MEF2C: variants seen among roughly 807,000 people sequenced by gnomAD.
The protein encoded by MEF2C is myocyte enhancer factor 2C.
In MEF2C, 6 loss-of-function variants were observed where a neutral mutation model predicts 50.5. That is an observed-to-expected ratio of 0.12 (90% CI 0.07 to 0.23). MEF2C has a LOEUF of 0.23. Among genes scored for constraint, MEF2C ranks in the 10% least tolerant of loss-of-function variants. The pLI, the probability that MEF2C is intolerant of heterozygous loss-of-function variation, is 1.00. For synonymous variants in MEF2C, 183 were observed against 228.0 expected (o/e 0.80, Z 1.78); for missense variants, 276 against 605.0 (o/e 0.46, Z 5.70).
chr5:88,742,676 G>C (rs1767392638), intron 6 of MEF2C: 1 of 985,078 alleles, frequency 1.0e-6, no homozygotes, highest in Non-Finnish European at 1.2e-6. Context: ...AGGGGTCGAA[G>C]GCATATTTTA....
At chr5:88,727,938 C>T (rs1759636180) in intron 10 of MEF2C, among the ~76,000 whole-genome samples, 1 of 151,760 alleles carries the variant, frequency 6.6e-6, no homozygotes, top group Non-Finnish European at 1.5e-5. Context: ...CTACATAAAA[C>T]AAAAATTATT....
chr5:88,811,634 T>A (rs1359424367), intron 2 of MEF2C, among the ~76,000 whole-genome samples: 1 of 152,106 alleles, frequency 6.6e-6, no homozygotes, highest in Non-Finnish European at 1.5e-5. Context: ...CCATACATTA[T>A]CGCCTCTAAT....
At chr5:88,811,536 T>C (rs1011598057) in intron 2 of MEF2C, among the ~76,000 whole-genome samples, 4 of 152,172 alleles carry the variant, frequency 2.6e-5, no homozygotes, top group East Asian at 3.9e-4. Context: ...CTAAGTATCA[T>C]AGGGCTTTGA....
intron 3 of MEF2C, chr5:88,775,741 T>C: frequency 1.2e-6 from 1 of 829,982 alleles, no homozygotes. Flanking sequence ...CAGATGATAA[T>C]ATTCTTAGGT....
chr5:88,851,833 C>T (rs1581579223), intron 1 of MEF2C, among the ~76,000 whole-genome samples: 1 of 152,168 alleles, frequency 6.6e-6, no homozygotes, highest in Middle Eastern at 3.4e-3. Context: ...AATGTATTTT[C>T]AGCATCTCAA....
intron 6 of MEF2C, chr5:88,748,676 G>T: frequency 1.7e-5 from 12 of 692,984 alleles, no homozygotes; most frequent in Non-Finnish European, 2.1e-5. Flanking sequence ...CTCTTCTTTA[G>T]AAATGCATAG....
chr5:88,728,894 T>A (rs778050459), intron 9 of MEF2C, among the ~76,000 whole-genome samples: 5 of 152,216 alleles, frequency 3.3e-5, no homozygotes, highest in Admixed American at 6.5e-5. Context: ...CAATCTAGTA[T>A]AAAGGTATGT....
chr5:88,753,622 C>T (rs575313771), intron 4 of MEF2C, among the ~76,000 whole-genome samples: 108 of 152,264 alleles, frequency 7.1e-4, no homozygotes, highest in African/African-American at 2.5e-3. Context: ...AACTCCTGAG[C>T]GCAGGTGATC....
Position 88,780,658 on chromosome 5 carries a change from A to C in MEF2C, c.259-19330T>G, listed in dbSNP as rs115921750. ...GATACTTAAGTTTCACCCTAGAAGC[A>C]ATGCACAACATATATATTTCACTGT... On this transcript the variant is annotated intron_variant, in intron 3 of 10. Coordinates refer to ENST00000504921, the MANE Select transcript of MEF2C (RefSeq NM_002397.5). 105 of 672,978 alleles carry C rather than the reference A, an allele frequency of 1.6e-4. No homozygotes were observed. In the African/African-American group the frequency reaches 2.0e-3, roughly 13 times the overall value. 41.7% of individuals were successfully genotyped at this position (672,978 alleles called of 1,614,324 possible). A position where few individuals can be genotyped will look rare whatever the true frequency, so the allele number is the denominator to read the frequency against.
intron 1 of MEF2C, among the ~76,000 whole-genome samples, chr5:88,895,862 C>T (rs920865746): frequency 6.6e-6 from 1 of 152,232 alleles, no homozygotes; most frequent in Non-Finnish European, 1.5e-5. Context: ...CCGGCCACTA[C>T]AGCCGCCTAA....
intron 1 of MEF2C, among the ~76,000 whole-genome samples, chr5:88,893,760 C>G (rs1273998625): frequency 6.6e-6 from 1 of 151,800 alleles, no homozygotes; most frequent in Non-Finnish European, 1.5e-5. Context: ...TAGGAAGAAA[C>G]AGAATTTTCA....
chr5:88,889,290 A>ACG (rs1343383605), intron 1 of MEF2C: 3 of 152,348 alleles, frequency 2.0e-5, no homozygotes, highest in African/African-American at 7.2e-5. Context: ...CAGAGGCGCA[A>ACG]CAGCTGCAAC....
intron 6 of MEF2C, chr5:88,733,512 A>C: frequency 1.0e-5 from 10 of 985,392 alleles, no homozygotes; most frequent in Non-Finnish European, 9.6e-6. Context: ...AGTGTGGACC[A>C]GTCTGGAGAC....
chr5:88,739,265 T>G, intron 6 of MEF2C: 1 of 983,438 alleles, frequency 1.0e-6, no homozygotes, highest in Non-Finnish European at 1.2e-6. Flanking sequence ...AGGAAAACAT[T>G]AAGCTGAACA....
rs533136563 is a variant in MEF2C at position 88,738,679 on chromosome 5, G to A, written c.638-6778C>T. 2.7e-5 allele frequency: 27 copies of A among 985,312 alleles called. No individual in the cohort carries two copies. The South Asian group carries it at 1.1e-3, about 41-fold the overall frequency. The allele number at this position is 985,312 out of a possible 1,614,324, so 61.0% of individuals were successfully genotyped here. A position where few individuals can be genotyped will look rare whatever the true frequency, so the allele number is the denominator to read the frequency against. ...TCGAGTCTCATTTGCAAATTATGGG[G>A]ATACAAATGAAGAGAGGACACAACT... On this transcript the variant is annotated intron_variant, in intron 6 of 10. Coordinates refer to ENST00000504921, the MANE Select transcript of MEF2C (RefSeq NM_002397.5).
intron 1 of MEF2C, among the ~76,000 whole-genome samples, chr5:88,880,370 T>C (rs1832445030): frequency 6.6e-6 from 1 of 152,150 alleles, no homozygotes; most frequent in Non-Finnish European, 1.5e-5. Context: ...CAGAATTCTG[T>C]TTAATAACTA....
At chr5:88,870,552 A>T (rs1581808359) in intron 1 of MEF2C, among the ~76,000 whole-genome samples, 2 of 152,082 alleles carry the variant, frequency 1.3e-5, no homozygotes. Context: ...AGAAAAAAAG[A>T]CCTGGAAGAG....
chr5:88,734,580 T>C, intron 6 of MEF2C: 2 of 958,338 alleles, frequency 2.1e-6, no homozygotes, highest in Non-Finnish European at 2.5e-6. Flanking sequence ...TTTTTTTTTT[T>C]TTTTTTTTTT....
chr5:88,882,697 A>G (rs1833298515), intron 1 of MEF2C, among the ~76,000 whole-genome samples: 2 of 152,196 alleles, frequency 1.3e-5, no homozygotes, highest in Non-Finnish European at 2.9e-5. Context: ...AACTTTAAAT[A>G]CACTGGTGTG....
Sources: gnomAD v4.1 joint callset for allele counts (sites outside exome capture counted in the v4.1 genomes callset) on GRCh38, gnomAD v4.1.1 for gene constraint, MANE v1.5 for transcripts, NCBI Gene and HGNC (gene_info 2026-07-23, HGNC 2026-07-21) for gene names.